The following C1GALT1 variants were observed in gnomAD, a reference collection of about 807,000 sequenced individuals.
C1GALT1 encodes the protein core 1 synthase, glycoprotein-N-acetylgalactosamine 3-beta-galactosyltransferase 1.
Under a neutral mutation model 31.0 loss-of-function variants are expected in C1GALT1, and 11 were observed. That is an observed-to-expected ratio of 0.36 (90% CI 0.22 to 0.59). C1GALT1 has a LOEUF of 0.59. C1GALT1 is among the 20% of genes least tolerant of loss of function. C1GALT1 has a pLI of 0.79. For missense variants in C1GALT1, 424 were observed against 425.2 expected (o/e 1.00, Z 0.03); for synonymous variants, 175 against 143.6 (o/e 1.22, Z -1.56).
chr7:7,227,006 G>A (rs1467027217), intron 1 of C1GALT1, among the ~76,000 whole-genome samples: 1 of 152,142 alleles, frequency 6.6e-6, no homozygotes, highest in Non-Finnish European at 1.5e-5. Context: ...TCAATAGATA[G>A]TGCCTAAAAT....
chr7:7,238,580 T>A lies in C1GALT1; in HGVS notation c.546T>A (p.Leu182=). ...TCATACTAGACAATTTGAGGTGGCTTCTTTCAAAATACGACCCTGAAGAAC... is the reference window on the plus strand; with the variant it reads ...TCATACTAGACAATTTGAGGTGGCTACTTTCAAAATACGACCCTGAAGAAC... ...TYVILDNLRW[L]LSKYDPEEPI... Residue 182 remains leucine, a synonymous_variant, in exon 3 of 4, where the codon CTT becomes CTA. Coordinates refer to ENST00000436587, the MANE Select transcript of C1GALT1 (RefSeq NM_020156.5). The surrounding 1 kb of genome is among the most constrained non-coding windows in gnomAD (Gnocchi z 5.2). 1 of 1,614,124 alleles carries A rather than the reference T, an allele frequency of 6.2e-7. No homozygotes were observed. The highest frequency in any genetic ancestry group is 8.5e-7 in the Non-Finnish European group (1 of 1,179,972).
In C1GALT1 at chr7:7,224,445, C is replaced by T. The variant is rs1175025717; in HGVS notation, c.-17-9858C>T. On this transcript the variant is annotated intron_variant, in intron 1 of 3. Transcript: ENST00000436587. The stretch of plus-strand genomic sequence containing the variant: ...AATTCTCCAGTAAAACCATCTGGAC[C>T]TGGAGATTTTTGTGGGGGTCAGGGG... Among the ~76,000 whole-genome samples, 5 of 136,498 alleles carry T rather than the reference C, an allele frequency of 3.7e-5. No homozygotes were observed. In the Admixed American group the frequency reaches 3.8e-4, roughly 10 times the overall value. The allele number at this position is 136,498 out of a possible 152,430, so 89.5% of individuals were successfully genotyped here.
At chr7:7,229,980 G>C (rs1428971196) in intron 1 of C1GALT1, among the ~76,000 whole-genome samples, 1 of 152,176 alleles carries the variant, frequency 6.6e-6, no homozygotes, top group African/African-American at 2.4e-5. Flanking sequence ...GATAGTTTCA[G>C]ATGGTTAATT....
At position 7,238,273 on chromosome 7, in the gene C1GALT1, C is replaced by G; in HGVS notation, c.239C>G (p.Ala80Gly). The change falls in exon 3 of 4, where the codon GCT becomes GGT. Residue 80 changes from alanine (A) to glycine (G), a missense_variant. By Grantham distance (60) the Ala-to-Gly change is moderately conservative (BLOSUM62 0). Coordinates refer to ENST00000436587, the MANE Select transcript of C1GALT1 (RefSeq NM_020156.5). This position sits in a 1 kb window ranked among gnomAD's most constrained non-coding sequence, Gnocchi z 5.2. ...SQHKDENTDI[A>G]ENLYQKVRIL... ...TTAATAGATGAGAACACAGACATTG[C>G]TGAAAACCTCTATCAGAAAGTTAGA... is the stretch of plus-strand genomic sequence containing the variant. 1 of 1,603,370 alleles carries G rather than the reference C, an allele frequency of 6.2e-7. No homozygotes were observed. The highest frequency in any genetic ancestry group is 1.1e-5 in the South Asian group (1 of 88,724).
chr7:7,192,362 G>T (rs1471554388), intron 1 of C1GALT1, among the ~76,000 whole-genome samples: 1 of 151,928 alleles, frequency 6.6e-6, no homozygotes, highest in Non-Finnish European at 1.5e-5. Flanking sequence ...TCATAGCTTA[G>T]TTCCCATTTA....
upstream of C1GALT1, among the ~76,000 whole-genome samples, chr7:7,181,452 G>C (rs1780586281): frequency 6.6e-6 from 1 of 152,086 alleles, no homozygotes; most frequent in African/African-American, 2.4e-5. Flanking sequence ...CCTTAGTTTT[G>C]TCATCTGAAA....
At chr7:7,176,679 T>C (rs1780509448) in intron 2 of C1GALT1, among the ~76,000 whole-genome samples, 1 of 152,162 alleles carries the variant, frequency 6.6e-6, no homozygotes, top group South Asian at 2.1e-4. Flanking sequence ...AGACTTTTTT[T>C]CTTTATTTCT....
chr7:7,210,949 A>T lies in C1GALT1; in HGVS notation c.-17-23354A>T, dbSNP rs530357886. Among the ~76,000 whole-genome samples the T allele has an allele frequency of 2.0e-5, 3 of 152,196 alleles. No homozygotes were observed. The South Asian group carries it at 6.2e-4, about 31-fold the overall frequency. On this transcript the variant is annotated intron_variant, in intron 1 of 3. Transcript: ENST00000436587. Reference sequence around the variant, plus strand: ...CTTCTCTGCCTAAAATAATTTCTTAATAACTCCTACAACATTCCCGCCTGT... The same window carrying T: ...CTTCTCTGCCTAAAATAATTTCTTATTAACTCCTACAACATTCCCGCCTGT...
chr7:7,173,088 T>G (rs1780471555), intron 2 of C1GALT1, among the ~76,000 whole-genome samples: 1 of 152,130 alleles, frequency 6.6e-6, no homozygotes, highest in South Asian at 2.1e-4. Flanking sequence ...TGCCTGAATC[T>G]CATGTTGAAA....
intron 1 of C1GALT1, among the ~76,000 whole-genome samples, chr7:7,198,955 A>G (rs1277831007): frequency 6.6e-6 from 1 of 151,864 alleles, no homozygotes. Context: ...CTAGCGGTCT[A>G]TCCATTTTGT....
intron 2 of C1GALT1, among the ~76,000 whole-genome samples, chr7:7,174,022 C>T (rs73335339): frequency 0.035 from 5,384 of 152,230 alleles, 268 homozygotes; most frequent in African/African-American, 0.11. Context: ...GCCAAATTCA[C>T]TTTCTGGTGA....
intron 1 of C1GALT1, among the ~76,000 whole-genome samples, chr7:7,202,975 G>C (rs1397527009): frequency 6.6e-6 from 1 of 151,508 alleles, no homozygotes; most frequent in East Asian, 1.9e-4. Flanking sequence ...TTTTTTTGCT[G>C]TTGTAAATGG....
At chr7:7,208,673 C>T (rs1781861419) in intron 1 of C1GALT1, among the ~76,000 whole-genome samples, 1 of 152,144 alleles carries the variant, frequency 6.6e-6, no homozygotes, top group Non-Finnish European at 1.5e-5. Context: ...GGCTGCCAGC[C>T]CCTGCACCTA....
chr7:7,183,371 G>C (rs946911977), intron 1 of C1GALT1, among the ~76,000 whole-genome samples: 2 of 152,066 alleles, frequency 1.3e-5, no homozygotes, highest in Admixed American at 6.5e-5. Flanking sequence ...CCTGGAGCTT[G>C]CTTGGGTCTA....
chr7:7,184,315 C>G (rs1212678651), intron 1 of C1GALT1, among the ~76,000 whole-genome samples: 1 of 152,152 alleles, frequency 6.6e-6, no homozygotes. Context: ...TAGTGGAGAG[C>G]TACTAAATGC....
Position 7,247,499 on chromosome 7 carries a change from A to G in C1GALT1, c.*3772A>G, listed in dbSNP as rs1054854417. ...GATCAGCTCTTAATATTTTTTGAAT[A>G]CAGAATTGGATTTGAGCAGTAAATT... On this transcript the variant is annotated 3_prime_UTR_variant, in exon 4 of 4. Coordinates refer to ENST00000436587, the MANE Select transcript of C1GALT1 (RefSeq NM_020156.5). 4 of 152,156 alleles carry G rather than the reference A, an allele frequency of 2.6e-5. No individual in the cohort carries two copies. Among genetic ancestry groups the G allele is most frequent in the Non-Finnish European group, 5.9e-5 (4 of 67,986 alleles). 9.4% of individuals were successfully genotyped at this position (152,156 alleles called of 1,614,324 possible).
At chr7:7,224,401 T>C (rs1782657416) in intron 1 of C1GALT1, among the ~76,000 whole-genome samples, 2 of 151,982 alleles carry the variant, frequency 1.3e-5, no homozygotes, top group African/African-American at 4.8e-5. Context: ...TAAAAAATAA[T>C]TTTTAGAACA....
intron 2 of C1GALT1, among the ~76,000 whole-genome samples, chr7:7,167,663 A>T (rs1381399570): frequency 1.3e-5 from 2 of 152,190 alleles, no homozygotes; most frequent in East Asian, 3.9e-4. Flanking sequence ...ACATCTTATA[A>T]GATTGTCCTT....
chr7:7,161,044 G>A (rs899383298), intron 2 of C1GALT1, among the ~76,000 whole-genome samples: 12 of 152,038 alleles, frequency 7.9e-5, no homozygotes, highest in African/African-American at 2.9e-4. Flanking sequence ...ATGACTACTT[G>A]TGTAGTCATT....
Sources: gnomAD v4.1 joint callset for allele counts (sites outside exome capture counted in the v4.1 genomes callset) on GRCh38, gnomAD v4.1.1 for gene constraint, Gnocchi (gnomAD v3.1) non-coding constraint, MANE v1.5 for transcripts, NCBI Gene and HGNC (gene_info 2026-07-23, HGNC 2026-07-21) for gene names.